The following KLHL29 variants were observed in gnomAD, a reference collection of about 807,000 sequenced individuals.
The protein encoded by KLHL29 is kelch-like protein 29.
In KLHL29, 21 loss-of-function variants were observed where a neutral mutation model predicts 80.4. The ratio of observed to expected loss-of-function variants is 0.26; its 90% CI spans 0.19 to 0.38. KLHL29 has a LOEUF of 0.38. KLHL29 is among the 10% of genes least tolerant of loss of function. KLHL29 has a pLI of 1.00. For synonymous variants in KLHL29, 511 were observed against 526.8 expected (o/e 0.97, Z 0.41); for missense variants, 867 against 1,223.9 (o/e 0.71, Z 4.35).
intron 6 of KLHL29, among the ~76,000 whole-genome samples, chr2:23,686,932 T>C (rs1170798909): frequency 2.6e-5 from 4 of 152,078 alleles, no homozygotes; most frequent in Non-Finnish European, 4.4e-5. Flanking sequence ...AGTGCCTTCT[T>C]GGGAGGAAAG....
chr2:23,417,027 T>C (rs1324363402), intron 1 of KLHL29, among the ~76,000 whole-genome samples: 1 of 152,146 alleles, frequency 6.6e-6, no homozygotes, highest in African/African-American at 2.4e-5. Context: ...TCCTATCTCA[T>C]GGCCCTGACA....
At chr2:23,478,670 G>A (rs958501943) in intron 2 of KLHL29, among the ~76,000 whole-genome samples, 2 of 152,226 alleles carry the variant, frequency 1.3e-5, no homozygotes, top group South Asian at 2.1e-4. Flanking sequence ...CAGACACCTC[G>A]GGCTCTGGAG....
At chr2:23,445,191 A>G (rs953869795) in intron 1 of KLHL29, among the ~76,000 whole-genome samples, 1 of 152,258 alleles carries the variant, frequency 6.6e-6, no homozygotes, top group Non-Finnish European at 1.5e-5. Context: ...AGTCAAAACC[A>G]TATAATACAG....
At chr2:23,660,466 A>G (rs1349413020) in intron 5 of KLHL29, among the ~76,000 whole-genome samples, 1 of 152,240 alleles carries the variant, frequency 6.6e-6, no homozygotes, top group Non-Finnish European at 1.5e-5. Flanking sequence ...GAGCTTCCAC[A>G]TGAGGAGCTG....
intron 2 of KLHL29, among the ~76,000 whole-genome samples, chr2:23,513,776 T>C (rs1665846388): frequency 6.6e-6 from 1 of 151,998 alleles, no homozygotes; most frequent in Non-Finnish European, 1.5e-5. Context: ...CGAGGAGGTG[T>C]GGACTCTGGC....
chr2:23,537,206 G>A (rs1052055081), intron 2 of KLHL29, among the ~76,000 whole-genome samples: 10 of 152,282 alleles, frequency 6.6e-5, no homozygotes, highest in Middle Eastern at 6.8e-3. Context: ...GTTGGTGGGT[G>A]CCACTGCCAC....
At chr2:23,634,783 A>G (rs904931359) in intron 3 of KLHL29, among the ~76,000 whole-genome samples, 6 of 152,212 alleles carry the variant, frequency 3.9e-5, no homozygotes, top group African/African-American at 1.2e-4. Flanking sequence ...AGCACCCCCA[A>G]TGAGGGAACC....
At chr2:23,523,856 A>G (rs892184632) in intron 2 of KLHL29, 6 of 363,504 alleles carry the variant, frequency 1.7e-5, no homozygotes, top group African/African-American at 1.3e-4. Flanking sequence ...CTTCTCTTCC[A>G]AGTGATTATT....
chr2:23,484,297 A>C (rs1664873345), intron 2 of KLHL29, among the ~76,000 whole-genome samples: 1 of 152,202 alleles, frequency 6.6e-6, no homozygotes, highest in South Asian at 2.1e-4. Flanking sequence ...TCACACACAG[A>C]GCCCGAGCTC....
chr2:23,535,912 T>A (rs539551047), intron 2 of KLHL29, among the ~76,000 whole-genome samples: 1 of 152,306 alleles, frequency 6.6e-6, no homozygotes, highest in South Asian at 2.1e-4. Context: ...CGGTTTTAGG[T>A]TTTGTATATT....
chr2:23,691,637 G>T, intron 6 of KLHL29, 37 bp from the exon 7 acceptor site: 1 of 1,537,258 alleles, frequency 6.5e-7, no homozygotes, highest in South Asian at 1.2e-5. Context: ...GGTGGCCGCA[G>T]GGCAGGAGGT....
At chr2:23,552,356 G>A (rs529355742) in intron 2 of KLHL29, among the ~76,000 whole-genome samples, 8 of 152,368 alleles carry the variant, frequency 5.3e-5, no homozygotes, top group African/African-American at 1.7e-4. Flanking sequence ...AACACATCAA[G>A]TTGTACACAT....
At chr2:23,645,513 C>T (rs1669900544) in intron 5 of KLHL29, among the ~76,000 whole-genome samples, 1 of 152,176 alleles carries the variant, frequency 6.6e-6, no homozygotes, top group South Asian at 2.1e-4. Context: ...CCTTGCCCAG[C>T]ATTATAATAA....
intron 2 of KLHL29, among the ~76,000 whole-genome samples, chr2:23,491,788 T>C (rs1452493590): frequency 1.3e-5 from 2 of 152,170 alleles, no homozygotes; most frequent in Non-Finnish European, 2.9e-5. Context: ...GCGACCTCGC[T>C]GAACTCCATG....
intron 3 of KLHL29, among the ~76,000 whole-genome samples, chr2:23,628,972 G>A (rs1327637340): frequency 1.3e-5 from 2 of 152,198 alleles, no homozygotes; most frequent in Admixed American, 6.5e-5. Flanking sequence ...TGCCCCTGCC[G>A]TGCCCACCTC....
In KLHL29 at chr2:23,596,526, C is replaced by CGTG. The variant is rs1357657399; in HGVS notation, c.285+34047_285+34049dup. Among the ~76,000 whole-genome samples, 2 of 152,190 alleles carry CGTG rather than the reference C, an allele frequency of 1.3e-5. No homozygotes were observed. The highest frequency in any genetic ancestry group is 2.9e-5 in the Non-Finnish European group (2 of 68,048). On this transcript the variant is annotated intron_variant, in intron 3 of 13. Transcript: ENST00000486442. This position sits in a 1 kb window ranked among gnomAD's most constrained non-coding sequence, Gnocchi z 4.4. ...CATGCCACACTGTCCTTGCACACAA[C>CGTG]GTGGCTTAAGTCTAAACAGAAAATA...
chr2:23,494,110 T>G (rs1243831669), intron 2 of KLHL29, among the ~76,000 whole-genome samples: 1 of 152,216 alleles, frequency 6.6e-6, no homozygotes, highest in Non-Finnish European at 1.5e-5. Context: ...CTGGGAAGCT[T>G]GAACTAAATT....
chr2:23,520,064 C>T (rs1435957133), intron 2 of KLHL29, among the ~76,000 whole-genome samples: 1 of 152,162 alleles, frequency 6.6e-6, no homozygotes, highest in Non-Finnish European at 1.5e-5. Flanking sequence ...ATTTTCCTTT[C>T]ACTGGTATCA....
intron 3 of KLHL29, among the ~76,000 whole-genome samples, chr2:23,609,894 G>A (rs937691015): frequency 5.3e-5 from 8 of 152,176 alleles, no homozygotes; most frequent in Admixed American, 6.5e-5. Context: ...CTGTTTGGAT[G>A]TGAACCCACC....
Sources: allele counts gnomAD v4.1 joint callset (sites outside exome capture counted in the v4.1 genomes callset), GRCh38; gene constraint gnomAD v4.1.1; non-coding constraint Gnocchi (gnomAD v3.1); transcripts MANE v1.5; gene names NCBI Gene and HGNC (gene_info 2026-07-23, HGNC 2026-07-21).